HRH2: variants seen among roughly 807,000 people sequenced by gnomAD.
The protein encoded by HRH2 is histamine H2 receptor.
Under a neutral mutation model 20.1 loss-of-function variants are expected in HRH2, and 4 were observed. That is an observed-to-expected ratio of 0.20 (90% CI 0.10 to 0.45). The LOEUF is 0.45. Ranked by LOEUF, HRH2 falls within the 20% of genes least tolerant of loss-of-function variation. HRH2 has a pLI of 0.99. For synonymous variants in HRH2, 197 were observed against 200.7 expected, an observed-to-expected ratio of 0.98 and a Z score of 0.16; for missense variants, 250 against 461.6, an observed-to-expected ratio of 0.54 and a Z score of 4.20.
At chr5:175,696,813 G>A (rs1365163789) in intron 2 of HRH2, among the ~76,000 whole-genome samples, 2 of 151,054 alleles carry the variant, frequency 1.3e-5, no homozygotes, top group Non-Finnish European at 2.9e-5. Flanking sequence ...ATAAGACGGG[G>A]AGAATCTCAG....
Position 175,684,178 on chromosome 5 carries a change from T to A in HRH2, c.945T>A (p.Thr315=). 1 of 1,614,036 alleles carries A rather than the reference T, an allele frequency of 6.2e-7. No homozygotes were observed. The highest frequency in any genetic ancestry group is 8.5e-7 in the Non-Finnish European group (1 of 1,180,002). ...CRLANRNSHK[T]SLRSNASQLS... is the part of the protein sequence containing the mutation. Reference sequence around the variant, plus strand: ...TGGCCAACCGCAACTCCCACAAAACTTCTCTGAGGTCCAACGCCTCTCAGC... The same window carrying A: ...TGGCCAACCGCAACTCCCACAAAACATCTCTGAGGTCCAACGCCTCTCAGC... Residue 315 remains threonine, a synonymous_variant, in exon 2 of 3, where the codon ACT becomes ACA. Transcript: ENST00000636584.
At chr5:175,658,707 G>A (rs1195785043) in intron 1 of HRH2, among the ~76,000 whole-genome samples, 1 of 150,394 alleles carries the variant, frequency 6.6e-6, no homozygotes, top group Non-Finnish European at 1.5e-5. Flanking sequence ...GCTGCCGCCC[G>A]CTGCCGGATG....
At position 175,683,625 on chromosome 5, in the gene HRH2, C is replaced by G; in HGVS notation, c.392C>G (p.Thr131Ser). The change falls in exon 2 of 3, where the codon ACC (threonine) becomes AGC (serine). Residue 131 changes from threonine (T) to serine (S), a missense_variant. By Grantham distance (58) the Thr-to-Ser change is moderately conservative (BLOSUM62 1). Transcript: ENST00000636584. ...MDPLRYPVLVTPVRVAISLVL... is the reference protein window; with the variant it reads ...MDPLRYPVLVSPVRVAISLVL... ...CCACTGCGGTACCCTGTGCTGGTCA[C>G]CCCAGTTCGGGTCGCCATCTCTCTG... 6 of 1,614,200 alleles carry G rather than the reference C, an allele frequency of 3.7e-6. No individual in the cohort carries two copies. The highest frequency in any genetic ancestry group is 5.1e-6 in the Non-Finnish European group (6 of 1,180,028).
At chr5:175,659,922 A>G (rs905844374) in intron 1 of HRH2, among the ~76,000 whole-genome samples, 2 of 152,214 alleles carry the variant, frequency 1.3e-5, no homozygotes, top group Admixed American at 1.3e-4. Context: ...GGAAGCCGAT[A>G]TCAGACTGAC....
intron 1 of HRH2, among the ~76,000 whole-genome samples, chr5:175,673,951 C>T (rs948128736): frequency 5.9e-5 from 9 of 152,128 alleles, no homozygotes; most frequent in African/African-American, 1.9e-4. Context: ...GTGATCCACC[C>T]GCCTCTGCCT....
intron 1 of HRH2, among the ~76,000 whole-genome samples, chr5:175,667,893 A>T (rs1762956378): frequency 6.6e-6 from 1 of 152,106 alleles, no homozygotes; most frequent in African/African-American, 2.4e-5. Context: ...ACCTACTTGG[A>T]TTTTCTTTAA....
chr5:175,702,303 C>A (rs1457948800), intron 2 of HRH2, among the ~76,000 whole-genome samples: 1 of 151,724 alleles, frequency 6.6e-6, no homozygotes, highest in Non-Finnish European at 1.5e-5. Context: ...AGCACAAAAA[C>A]AGATGGAAGA....
Position 175,704,639 on chromosome 5 carries a change from A to G in HRH2, c.1077-3140A>G, listed in dbSNP as rs534878071. ...AATTTAAAAAAATAAGGGGGAGAAA[A>G]CAAAACTATTACTATTCACAGCTAA... is the stretch of plus-strand genomic sequence containing the variant. On this transcript the variant is annotated intron_variant, in intron 2 of 2. Coordinates refer to ENST00000636584, the MANE Select transcript of HRH2 (RefSeq NM_001367711.1). Among the ~76,000 whole-genome samples, 7 of 152,268 alleles carry G rather than the reference A, an allele frequency of 4.6e-5. No individual in the cohort carries two copies. In the South Asian group the frequency reaches 1.2e-3, roughly 27 times the overall value.
chr5:175,667,421 G>A (rs1306473819), intron 1 of HRH2, among the ~76,000 whole-genome samples: 1 of 151,818 alleles, frequency 6.6e-6, no homozygotes, highest in Non-Finnish European at 1.5e-5. Flanking sequence ...TCCAGCCTGG[G>A]TGACAAGAGC....
At position 175,698,862 on chromosome 5, in the gene HRH2, C is replaced by G. The variant is rs60289846; in HGVS notation, c.1077-8917C>G. On this transcript the variant is annotated intron_variant, in intron 2 of 2. Transcript: ENST00000636584. ...CACCTCATTGGGTGCAAAAGCGAAC[C>G]CAGAGTGTTTGCAAAGCCCTTGCTG... Among the ~76,000 whole-genome samples the G allele has an allele frequency of 7.6e-3, 1,150 of 152,292 alleles. 15 individuals are homozygous for G. Among genetic ancestry groups the G allele is most frequent in the African/African-American group, 0.026 (1,097 of 41,544 alleles).
chr5:175,668,255 C>T (rs1050718770), intron 1 of HRH2, among the ~76,000 whole-genome samples: 5 of 152,174 alleles, frequency 3.3e-5, no homozygotes, highest in African/African-American at 1.2e-4. Flanking sequence ...TATTTATGCT[C>T]ACGGTGTGTG....
In HRH2 at chr5:175,686,800, G is replaced by C. The variant is rs555060188; in HGVS notation, c.1076+2491G>C. ...TGCTTAATCTCCACTTTATAGGTGG[G>C]AAAACTGAGGCACACAGAAGTCAAG... is the stretch of plus-strand genomic sequence containing the variant. On this transcript the variant is annotated intron_variant, in intron 2 of 2. Coordinates refer to ENST00000636584, the MANE Select transcript of HRH2 (RefSeq NM_001367711.1). This position sits in a 1 kb window ranked among gnomAD's most constrained non-coding sequence, Gnocchi z 4.7. Among the ~76,000 whole-genome samples the C allele has an allele frequency of 1.2e-4, 18 of 152,340 alleles. No homozygotes were observed. Among genetic ancestry groups the C allele is most frequent in the African/African-American group, 4.3e-4 (18 of 41,572 alleles).
At position 175,683,334 on chromosome 5, in the gene HRH2, C is replaced by G. The variant is rs759443789; in HGVS notation, c.101C>G (p.Ala34Gly). The G allele has an allele frequency of 5.2e-5, 84 of 1,614,076 alleles. No homozygotes were observed. The highest frequency in any genetic ancestry group is 6.8e-5 in the Non-Finnish European group (80 of 1,180,038). ...VLAVLILITV[A>G]GNVVVCLAVG... The stretch of plus-strand genomic sequence containing the variant: ...GCGGTCCTCATCCTCATCACCGTTG[C>G]TGGCAATGTGGTCGTCTGTCTGGCC... Residue 34 changes from alanine (A) to glycine (G), a missense_variant, in exon 2 of 3, where the codon GCT becomes GGT. Physicochemically the swap from Ala to Gly is moderately conservative, Grantham distance 60 (BLOSUM62 0). Coordinates refer to ENST00000636584, the MANE Select transcript of HRH2 (RefSeq NM_001367711.1).
chr5:175,695,522 C>T (rs558612758), intron 2 of HRH2, among the ~76,000 whole-genome samples: 32 of 152,306 alleles, frequency 2.1e-4, no homozygotes, highest in African/African-American at 7.2e-4. Flanking sequence ...ATGCAGGGAA[C>T]ACTTTGTTTC....
chr5:175,658,912 T>C, intron 1 of HRH2, among the ~76,000 whole-genome samples: 1 of 152,096 alleles, frequency 6.6e-6, no homozygotes, highest in East Asian at 1.9e-4. Flanking sequence ...CCCCACCCCG[T>C]CCATGAGGTG....
rs151297932 is a variant in HRH2 at position 175,678,850 on chromosome 5, C to T, written c.-525-3859C>T. On this transcript the variant is annotated intron_variant, in intron 1 of 2. Transcript: ENST00000636584. Reference sequence around the variant, plus strand: ...TGTGTCTGGGGTTTAAGTACTTAAACAGCAAAAGGTGTCTCACTTCCCGCT... The same window carrying T: ...TGTGTCTGGGGTTTAAGTACTTAAATAGCAAAAGGTGTCTCACTTCCCGCT... Among the ~76,000 whole-genome samples the T allele has an allele frequency of 4.8e-3, 730 of 152,324 alleles. 3 individuals are homozygous for T. Among genetic ancestry groups the T allele is most frequent in the Middle Eastern group, 0.017 (5 of 292 alleles).
intron 1 of HRH2, among the ~76,000 whole-genome samples, chr5:175,673,493 A>G (rs1341372380): frequency 6.6e-6 from 1 of 152,162 alleles, no homozygotes; most frequent in Non-Finnish European, 1.5e-5. Flanking sequence ...AGAGACAGAA[A>G]GCAGGTCGGC....
At position 175,683,583 on chromosome 5, in the gene HRH2, A is replaced by G. The variant is rs1756065522; in HGVS notation, c.350A>G (p.Tyr117Cys). Residue 117 changes from tyrosine to cysteine, a missense_variant, in exon 2 of 3, where the codon TAC becomes TGC. Transcript: ENST00000636584. ...CTCTTCATGATCAGCCTCGACCGGT[A>G]CTGCGCTGTCATGGACCCACTGCGG... ...LNLFMISLDR[Y>C]CAVMDPLRYP... is the part of the protein sequence containing the mutation. 2 of 1,614,086 alleles carry G rather than the reference A, an allele frequency of 1.2e-6. No individual in the cohort carries two copies. The highest frequency in any genetic ancestry group is 1.7e-6 in the Non-Finnish European group (2 of 1,180,048).
intron 1 of HRH2, among the ~76,000 whole-genome samples, chr5:175,659,867 T>C (rs1762683246): frequency 6.6e-6 from 1 of 152,152 alleles, no homozygotes. Flanking sequence ...AAGGGATTTC[T>C]CTAAGGGTCT....
Sources: allele counts gnomAD v4.1 joint callset (sites outside exome capture counted in the v4.1 genomes callset), GRCh38; gene constraint gnomAD v4.1.1; non-coding constraint Gnocchi (gnomAD v3.1); transcripts MANE v1.5; gene names NCBI Gene and HGNC (gene_info 2026-07-23, HGNC 2026-07-21).